DRD2: variants seen among roughly 807,000 people sequenced by gnomAD.
DRD2 encodes the protein dopamine receptor D2, also known as D(2) dopamine receptor.
In DRD2, 8 loss-of-function variants were observed where a neutral mutation model predicts 38.0. The ratio of observed to expected loss-of-function variants is 0.21; its 90% CI spans 0.12 to 0.38. The LOEUF (loss-of-function observed/expected upper bound fraction) is 0.38, where lower values mean the gene tolerates loss of function less well. Ranked by LOEUF, DRD2 falls within the 10% of genes least tolerant of loss-of-function variation. DRD2 has a pLI of 1.00. For synonymous variants in DRD2, 230 were observed against 238.6 expected, an observed-to-expected ratio of 0.96 and a Z score of 0.33; for missense variants, 403 against 607.7, an observed-to-expected ratio of 0.66 and a Z score of 3.54.
Position 113,424,465 on chromosome 11 carries a change from T to C in DRD2, c.187A>G (p.Lys63Glu). The C allele has an allele frequency of 6.2e-7, 1 of 1,614,198 alleles. No homozygotes were observed. The highest frequency in any genetic ancestry group is 8.5e-7 in the Non-Finnish European group (1 of 1,180,038). ...TAGTTGGTGGTGGTCTGCAGCGCCTTCTCGCGGGACACAGCCATGCACACC... is the reference window on the plus strand; with the variant it reads ...TAGTTGGTGGTGGTCTGCAGCGCCTCCTCGCGGGACACAGCCATGCACACC... ...VLVCMAVSRE[K>E]ALQTTTNYLI... Residue 63 changes from lysine (K) to glutamate (E), a missense_variant, in exon 2 of 8, where the codon AAG (lysine) becomes GAG (glutamate). Physicochemically the swap from Lys to Glu is moderately conservative, Grantham distance 56 (BLOSUM62 1). This residue lies in a region of DRD2 where 162 missense variants were observed against 254.5 expected (regional missense o/e 0.64). Transcript: ENST00000362072.
At chr11:113,468,717 TTG>T (rs1951393417) in intron 1 of DRD2, among the ~76,000 whole-genome samples, 1 of 152,110 alleles carries the variant, frequency 6.6e-6, no homozygotes, top group Non-Finnish European at 1.5e-5. Flanking sequence ...CCTAATTTTT[TTG>T]TGTGTTTTAG....
At chr11:113,417,251 C>A (rs1040657073) in intron 3 of DRD2, among the ~76,000 whole-genome samples, 2 of 152,192 alleles carry the variant, frequency 1.3e-5, no homozygotes, top group Non-Finnish European at 2.9e-5. Flanking sequence ...TTATTCTAAC[C>A]GGCCCCACCT....
In DRD2 at chr11:113,418,097, T is replaced by A; in HGVS notation, c.325A>T (p.Ile109Phe). 1 of 1,614,210 alleles carries A rather than the reference T, an allele frequency of 6.2e-7. No homozygotes were observed. Among genetic ancestry groups the A allele is most frequent in the Non-Finnish European group, 8.5e-7 (1 of 1,180,050 alleles). The change falls in exon 3 of 8, where the codon ATC becomes TTC. Residue 109 changes from isoleucine (I) to phenylalanine (F), a missense_variant. Physicochemically the swap from Ile to Phe is conservative, Grantham distance 21. Transcript: ENST00000362072. The part of the protein sequence containing the change: ...EWKFSRIHCD[I>F]FVTLDVMMCT... ...ATCATGACGTCCAGAGTGACGAAGA[T>A]GTCACAGTGAATCCTGCTGAATTTC...
intron 1 of DRD2, among the ~76,000 whole-genome samples, chr11:113,434,668 C>T (rs1234580595): frequency 6.6e-6 from 1 of 152,176 alleles, no homozygotes; most frequent in African/African-American, 2.4e-5. Context: ...GAAAGAAAAG[C>T]ACAGAGCTGG....
chr11:113,422,179 C>G (rs1001952492), intron 2 of DRD2, among the ~76,000 whole-genome samples: 7 of 152,162 alleles, frequency 4.6e-5, no homozygotes, highest in African/African-American at 1.7e-4. Context: ...TCTCTCCTTC[C>G]TCTTTATCCC....
At chr11:113,441,375 C>T (rs1446335864) in intron 1 of DRD2, among the ~76,000 whole-genome samples, 1 of 152,204 alleles carries the variant, frequency 6.6e-6, no homozygotes, top group Non-Finnish European at 1.5e-5. Context: ...CTCCTTCATG[C>T]CCAGGGACTG....
At chr11:113,415,290 T>G in intron 5 of DRD2, 131 bp downstream of exon 5, 2 of 1,214,568 alleles carry the variant, frequency 1.6e-6, no homozygotes, top group Admixed American at 5.2e-5. Context: ...CTTGCCCGGC[T>G]CCTGGGAATT....
chr11:113,465,895 C>T (rs7930567), intron 1 of DRD2, among the ~76,000 whole-genome samples: 58 of 152,254 alleles, frequency 3.8e-4, no homozygotes, highest in African/African-American at 1.2e-3. Flanking sequence ...CTGATAATTA[C>T]GATAAGGATA....
At chr11:113,436,903 C>T (rs1198963922) in intron 1 of DRD2, among the ~76,000 whole-genome samples, 1 of 152,138 alleles carries the variant, frequency 6.6e-6, no homozygotes, top group African/African-American at 2.4e-5. Flanking sequence ...GGCTGCCAGA[C>T]TCTCCCTCTG....
At chr11:113,412,942 C>T (rs958802825) in intron 6 of DRD2, 59 bp from the exon 7 acceptor site, 2 of 1,532,944 alleles carry the variant, frequency 1.3e-6, no homozygotes, top group East Asian at 2.4e-5. Flanking sequence ...CATCAGCCAC[C>T]CATCTCACTG....
At chr11:113,415,778 C>T (rs1259842338) in intron 4 of DRD2, among the ~76,000 whole-genome samples, 167 bp from the exon 5 acceptor site, 3 of 152,104 alleles carry the variant, frequency 2.0e-5, no homozygotes, top group Admixed American at 6.6e-5. Flanking sequence ...CACAAACGCA[C>T]AGCAGATACC....
chr11:113,416,965 T>C lies in DRD2; in HGVS notation c.430A>G (p.Thr144Ala). ...ACCCGGCGCTTGGAGCTGTAGCGCG[T>C]ATTGTACAGCATGGGCATGGCCACA... ...TAVAMPMLYN[T>A]RYSSKRRVTV... is the part of the protein sequence containing the mutation. Residue 144 changes from threonine to alanine, a missense_variant, in exon 4 of 8, where the codon ACG (threonine) becomes GCG (alanine). Coordinates refer to ENST00000362072, the MANE Select transcript of DRD2 (RefSeq NM_000795.4). 1 of 1,614,088 alleles carries C rather than the reference T, an allele frequency of 6.2e-7. No homozygotes were observed. Among genetic ancestry groups the C allele is most frequent in the Non-Finnish European group, 8.5e-7 (1 of 1,179,998 alleles).
At chr11:113,451,544 T>G (rs1326459168) in intron 1 of DRD2, among the ~76,000 whole-genome samples, 1 of 152,174 alleles carries the variant, frequency 6.6e-6, no homozygotes, top group Non-Finnish European at 1.5e-5. Context: ...CAGGCTGGAG[T>G]GCAGTGGCAC....
At chr11:113,473,098 A>C (rs1239360212) in intron 1 of DRD2, among the ~76,000 whole-genome samples, 7 of 152,236 alleles carry the variant, frequency 4.6e-5, no homozygotes, top group African/African-American at 7.2e-5. Context: ...GGAATATTTA[A>C]GATATCAGCA....
chr11:113,411,308 A>G (rs1950767515), intron 7 of DRD2, among the ~76,000 whole-genome samples: 1 of 152,242 alleles, frequency 6.6e-6, no homozygotes, highest in Non-Finnish European at 1.5e-5. Context: ...CATAAGGTAC[A>G]TAAGAAAAAC....
At chr11:113,459,104 T>C (rs540073875) in intron 1 of DRD2, among the ~76,000 whole-genome samples, 28 of 152,358 alleles carry the variant, frequency 1.8e-4, no homozygotes, top group African/African-American at 6.3e-4. Context: ...TTACTTTCTA[T>C]CTCTGAGTCT....
intron 1 of DRD2, among the ~76,000 whole-genome samples, chr11:113,461,187 C>T (rs981074435): frequency 2.6e-5 from 4 of 152,212 alleles, no homozygotes; most frequent in Non-Finnish European, 5.9e-5. Context: ...ACAGGATCCT[C>T]ATTTACAGGG....
chr11:113,440,080 A>G (rs1951075757), intron 1 of DRD2, among the ~76,000 whole-genome samples: 1 of 152,048 alleles, frequency 6.6e-6, no homozygotes, highest in Non-Finnish European at 1.5e-5. Flanking sequence ...AAGGAAATGA[A>G]CTTAAGGAGA....
chr11:113,433,007 C>T (rs1565667845), intron 1 of DRD2, among the ~76,000 whole-genome samples: 1 of 152,196 alleles, frequency 6.6e-6, no homozygotes, highest in Non-Finnish European at 1.5e-5. Context: ...GGCTGCAGAC[C>T]TTGGGTTGCC....
Sources: gnomAD v4.1 joint callset for allele counts (sites outside exome capture counted in the v4.1 genomes callset) on GRCh38, gnomAD v4.1.1 for gene constraint, gnomAD v4.1.1 regional missense constraint, MANE v1.5 for transcripts, NCBI Gene and HGNC (gene_info 2026-07-23, HGNC 2026-07-21) for gene names.